Variants in MYO5B observed in about 807,000 individuals in gnomAD.
MYO5B encodes the protein unconventional myosin-Vb.
Under a neutral mutation model 229.3 loss-of-function variants are expected in MYO5B, and 143 were observed. The observed-to-expected ratio is 0.62, with a 90% CI of 0.54 to 0.72. MYO5B has a LOEUF of 0.72. Ranked by LOEUF, MYO5B falls within the 30% of genes least tolerant of loss-of-function variation. The pLI is 0.00. For synonymous variants in MYO5B, 918 were observed against 885.2 expected, an observed-to-expected ratio of 1.04 and a Z score of -0.66; for missense variants, 2,321 against 2,331.0, an observed-to-expected ratio of 1.00 and a Z score of 0.09.
intron 4 of MYO5B, among the ~76,000 whole-genome samples, chr18:50,024,092 T>C (rs1381597157): frequency 5.3e-5 from 8 of 152,170 alleles, no homozygotes; most frequent in Admixed American, 5.2e-4. Context: ...CTGGAGTTCG[T>C]ACACATCAGG....
rs2025314397 is a variant in MYO5B, at chr18:49,941,571, C to G, written c.1753-4174G>C. Among the ~76,000 whole-genome samples the G allele has an allele frequency of 3.3e-5, 5 of 152,150 alleles. No individual in the cohort carries two copies. In the South Asian group the frequency reaches 1.0e-3, roughly 32 times the overall value. On this transcript the variant is annotated intron_variant, in intron 14 of 39. Coordinates refer to ENST00000285039, the MANE Select transcript of MYO5B (RefSeq NM_001080467.3). ...GTCAGGCAGGTACCCTGGAGGGTAC[C>G]CCAGTGAGATCACTAAGGATGCCCC...
At chr18:49,953,805 C>A (rs1265166597) in intron 13 of MYO5B, among the ~76,000 whole-genome samples, 1 of 152,046 alleles carries the variant, frequency 6.6e-6, no homozygotes, top group African/African-American at 2.4e-5. Flanking sequence ...AGAAGCCAAA[C>A]CATTTGGTAC....
In MYO5B at chr18:49,866,573, C is replaced by T. The variant is rs148959840; in HGVS notation, c.3604-2193G>A. The stretch of plus-strand genomic sequence containing the variant: ...TCTCTGAGTTTGAACCTTCTAGGTA[C>T]CTCATATAAATGGAAACAGACGAAT... On this transcript the variant is annotated intron_variant, in intron 27 of 39. Transcript: ENST00000285039. Among the ~76,000 whole-genome samples, 6 of 152,258 alleles carry T rather than the reference C, an allele frequency of 3.9e-5. No individual in the cohort carries two copies. The East Asian group carries it at 1.2e-3, about 29-fold the overall frequency.
At chr18:49,990,136 C>T (rs2025913474) in intron 7 of MYO5B, among the ~76,000 whole-genome samples, 1 of 152,212 alleles carries the variant, frequency 6.6e-6, no homozygotes, top group African/African-American at 2.4e-5. Flanking sequence ...TCCTATGATG[C>T]TTAAAGTGCA....
intron 14 of MYO5B, among the ~76,000 whole-genome samples, chr18:49,939,560 C>T (rs2025291056): frequency 6.6e-6 from 1 of 152,160 alleles, no homozygotes; most frequent in Non-Finnish European, 1.5e-5. Context: ...TCAACTTTCA[C>T]CTCCATGTGG....
chr18:49,898,457 C>T (rs1260573172), intron 21 of MYO5B, among the ~76,000 whole-genome samples: 1 of 152,186 alleles, frequency 6.6e-6, no homozygotes, highest in African/African-American at 2.4e-5. Flanking sequence ...TAAATGTGTG[C>T]TTGACTAAAG....
intron 4 of MYO5B, among the ~76,000 whole-genome samples, chr18:50,027,317 G>A (rs2026341918): frequency 2.6e-5 from 4 of 152,168 alleles, no homozygotes; most frequent in Admixed American, 1.3e-4. Flanking sequence ...TAACTAGAAC[G>A]GCGTGTAGGA....
At chr18:50,156,795 A>C (rs2144312911) in intron 1 of MYO5B, among the ~76,000 whole-genome samples, 1 of 152,348 alleles carries the variant, frequency 6.6e-6, no homozygotes, top group Middle Eastern at 3.4e-3. Flanking sequence ...TGATAGAACT[A>C]AAAGCTAGAA....
intron 1 of MYO5B, among the ~76,000 whole-genome samples, chr18:50,154,918 A>G (rs1347719883): frequency 1.3e-5 from 2 of 152,200 alleles, no homozygotes; most frequent in Non-Finnish European, 2.9e-5. Flanking sequence ...AGGTTTACAA[A>G]GCAGCACTCA....
chr18:49,958,210 A>C (rs1189715008), intron 12 of MYO5B, among the ~76,000 whole-genome samples: 1 of 152,204 alleles, frequency 6.6e-6, no homozygotes, highest in Non-Finnish European at 1.5e-5. Flanking sequence ...GCCAAAAAAT[A>C]AAACTGAATT....
intron 1 of MYO5B, among the ~76,000 whole-genome samples, chr18:50,117,961 G>C (rs2031993187): frequency 6.6e-6 from 1 of 152,118 alleles, no homozygotes; most frequent in Admixed American, 6.6e-5. Flanking sequence ...TCCTGAAACT[G>C]TGCTCCTGCA....
Position 49,912,071 on chromosome 18 carries a change from G to T in MYO5B, c.2193C>A (p.Asn731Lys), listed in dbSNP as rs748063322. ...KKAICRSVLE[N>K]LIKDPDKFQF... ...GGGCTGTGTGGCTCACCTTGATGAG[G>T]TTCTCCAGGACAGACCTGCAGATGG... The change falls in exon 18 of 40, where the codon AAC (asparagine) becomes AAA (lysine). Residue 731 changes from asparagine (N) to lysine (K), a missense_variant. By Grantham distance (94) the Asn-to-Lys change is moderately conservative (BLOSUM62 0). Coordinates refer to ENST00000285039, the MANE Select transcript of MYO5B (RefSeq NM_001080467.3). The T allele has an allele frequency of 1.9e-6, 3 of 1,613,796 alleles. No individual in the cohort carries two copies. The highest frequency in any genetic ancestry group is 2.5e-6 in the Non-Finnish European group (3 of 1,179,680).
intron 9 of MYO5B, among the ~76,000 whole-genome samples, chr18:49,978,689 AG>A (rs1366374319): frequency 7.2e-6 from 1 of 138,582 alleles, no homozygotes; most frequent in Non-Finnish European, 1.6e-5. Context: ...GTAGGCAGCA[AG>A]TAATACACAC....
intron 1 of MYO5B, among the ~76,000 whole-genome samples, chr18:50,139,600 G>T (rs552879616): frequency 6.6e-6 from 1 of 152,262 alleles, no homozygotes; most frequent in South Asian, 2.1e-4. Context: ...GTTCTGGGGA[G>T]CCCTTTGCCC....
At position 49,992,379 on chromosome 18, in the gene MYO5B, T is replaced by C; in HGVS notation, c.665A>G (p.Lys222Arg). Residue 222 changes from lysine (K) to arginine (R), a missense_variant, in exon 6 of 40, where the codon AAG becomes AGG. This residue lies in a region of MYO5B where 2,113 missense variants were observed against 2,044.7 expected (regional missense o/e 1.03). Coordinates refer to ENST00000285039, the MANE Select transcript of MYO5B (RefSeq NM_001080467.3). ...TRNDNSSRFG[K>R]YIQIGFDKRY... ...TTTGTCAAAGCCAATCTGGATGTAC[T>C]TGCCAAAACGGCTGCTGTTGTCATT... The C allele has an allele frequency of 6.2e-7, 1 of 1,614,222 alleles. No individual in the cohort carries two copies. Among genetic ancestry groups the C allele is most frequent in the Non-Finnish European group, 8.5e-7 (1 of 1,180,032 alleles).
intron 10 of MYO5B, among the ~76,000 whole-genome samples, chr18:49,972,091 A>G (rs1277617750): frequency 6.6e-6 from 1 of 152,160 alleles, no homozygotes. Flanking sequence ...CCACTCTGAG[A>G]TGAAGGAGAC....
chr18:50,031,298 G>A (rs2026386108), intron 4 of MYO5B, among the ~76,000 whole-genome samples: 1 of 152,086 alleles, frequency 6.6e-6, no homozygotes, highest in Non-Finnish European at 1.5e-5. Context: ...TTTTTCTCAG[G>A]TAATGGAGGA....
At chr18:49,953,889 CAT>C (rs199777620) in intron 13 of MYO5B, among the ~76,000 whole-genome samples, 51 of 90,386 alleles carry the variant, frequency 5.6e-4, no homozygotes, top group African/African-American at 1.8e-3. Flanking sequence ...TTTATATATA[CAT>C]ATATGTGTGT....
At chr18:50,105,012 T>TA (rs2031728932) in intron 1 of MYO5B, among the ~76,000 whole-genome samples, 2 of 150,942 alleles carry the variant, frequency 1.3e-5, no homozygotes, top group Non-Finnish European at 3.0e-5. Flanking sequence ...CCAGAGGGGG[T>TA]ACACGAGGAC....
Sources: allele counts gnomAD v4.1 joint callset (sites outside exome capture counted in the v4.1 genomes callset), GRCh38; gene constraint gnomAD v4.1.1; regional missense constraint gnomAD v4.1.1; transcripts MANE v1.5; gene names NCBI Gene and HGNC (gene_info 2026-07-23, HGNC 2026-07-21).